The following HIBCH variants were observed in gnomAD, a reference collection of about 807,000 sequenced individuals.
HIBCH encodes the protein 3-hydroxyisobutyryl-CoA hydrolase, mitochondrial.
In HIBCH, 50 loss-of-function variants were observed where a neutral mutation model predicts 58.2. The ratio of observed to expected loss-of-function variants is 0.86; its 90% confidence interval spans 0.68 to 1.09. The LOEUF (loss-of-function observed/expected upper bound fraction) is 1.09. HIBCH is among the 50% of genes least tolerant of loss of function. HIBCH has a pLI of 0.00. For synonymous variants in HIBCH, 151 were observed against 146.9 expected (o/e 1.03, Z -0.20); for missense variants, 450 against 449.7 (o/e 1.00, Z -0.01).
intron 5 of HIBCH, among the ~76,000 whole-genome samples, chr2:190,289,909 G>A (rs1384263564): frequency 7.2e-5 from 11 of 152,082 alleles, no homozygotes; most frequent in Non-Finnish European, 1.3e-4. Flanking sequence ...ACGGAGTCTC[G>A]CTTTGTTGCC....
intron 1 of HIBCH, among the ~76,000 whole-genome samples, chr2:190,316,667 CATGCTGCCATCTAGCCAGCATCTTTCA>C (rs753564959): frequency 6.6e-6 from 1 of 152,144 alleles, no homozygotes; most frequent in Non-Finnish European, 1.5e-5. Flanking sequence ...ACCAGTCCCC[CATGCTGCCATCTAGCCAGCATCTTTCA>C]ATGCTTCCTT....
rs1454157733 is a variant in HIBCH, at chr2:190,216,760, G to T, written c.892-3685C>A. On this transcript the variant is annotated intron_variant, in intron 11 of 13. Coordinates refer to ENST00000359678, the MANE Select transcript of HIBCH (RefSeq NM_014362.4). The surrounding 1 kb of genome is among the most constrained non-coding windows in gnomAD (Gnocchi z 4.2). Reference sequence around the variant, plus strand: ...TGAAGTAGAGAGAGCTCGTGCTGGGGAGAAGTCTGCCAAGACGCTTTGAGG... The same window carrying T: ...TGAAGTAGAGAGAGCTCGTGCTGGGTAGAAGTCTGCCAAGACGCTTTGAGG... Among the ~76,000 whole-genome samples the T allele has an allele frequency of 6.6e-6, 1 of 152,224 alleles. No individual in the cohort carries two copies. Among genetic ancestry groups the T allele is most frequent in the Non-Finnish European group, 1.5e-5 (1 of 68,036 alleles).
At chr2:190,242,282 G>A (rs1327308027) in intron 11 of HIBCH, among the ~76,000 whole-genome samples, 2 of 151,554 alleles carry the variant, frequency 1.3e-5, no homozygotes, top group Non-Finnish European at 2.9e-5. Context: ...GAAGATTTAT[G>A]TTCTTCTCTA....
chr2:190,319,655 T>C, intron 1 of HIBCH, 61 bp downstream of exon 1: 4 of 1,441,238 alleles, frequency 2.8e-6, no homozygotes, highest in Non-Finnish European at 3.9e-6. Flanking sequence ...CCCCGGCCCT[T>C]TTCCCACTGT....
intron 1 of HIBCH, among the ~76,000 whole-genome samples, chr2:190,198,149 A>G (rs1283360640): frequency 6.6e-6 from 1 of 152,214 alleles, no homozygotes. Flanking sequence ...GGTAATTAAA[A>G]GCAGAAGACT....
chr2:190,219,058 C>A (rs1685642781), intron 11 of HIBCH, among the ~76,000 whole-genome samples: 1 of 152,210 alleles, frequency 6.6e-6, no homozygotes, highest in South Asian at 2.1e-4. Flanking sequence ...TAACCTGTTA[C>A]CGTCCAACTG....
intron 11 of HIBCH, among the ~76,000 whole-genome samples, chr2:190,228,111 T>C (rs1422739286): frequency 2.0e-5 from 3 of 152,154 alleles, no homozygotes; most frequent in African/African-American, 4.8e-5. Flanking sequence ...CATATGTTTA[T>C]TGTGGCACTA....
At chr2:190,220,211 G>A (rs969620255) in intron 11 of HIBCH, 5 of 152,186 alleles carry the variant, frequency 3.3e-5, no homozygotes, top group African/African-American at 1.2e-4. Context: ...TACATCTGAT[G>A]CCTGTGCTTT....
chr2:190,271,959 C>A (rs1387587034), intron 6 of HIBCH, among the ~76,000 whole-genome samples: 1 of 152,210 alleles, frequency 6.6e-6, no homozygotes, highest in Non-Finnish European at 1.5e-5. Context: ...CACCCACACA[C>A]TGTCGTTCAA....
chr2:190,190,420 A>G (rs963122334), intron 1 of HIBCH, among the ~76,000 whole-genome samples: 1 of 152,206 alleles, frequency 6.6e-6, no homozygotes, highest in African/African-American at 2.4e-5. Flanking sequence ...CATTTTGAGG[A>G]TATCCCTAAT....
chr2:190,211,418 A>G lies in HIBCH; in HGVS notation c.1011+1538T>C, dbSNP rs1049247589. Among the ~76,000 whole-genome samples the G allele has an allele frequency of 6.6e-6, 1 of 152,162 alleles. No homozygotes were observed. Among genetic ancestry groups the G allele is most frequent in the Non-Finnish European group, 1.5e-5 (1 of 68,012 alleles). ...ACACCTGGATCACTGCAGGAAATCT[A>G]TATCTGGTCTCTAAACCGTTCTTGA... On this transcript the variant is annotated intron_variant, in intron 12 of 13. Transcript: ENST00000359678. The surrounding 1 kb of genome is among the most constrained non-coding windows in gnomAD (Gnocchi z 5.0).
intron 2 of HIBCH, among the ~76,000 whole-genome samples, 160 bp from the exon 3 acceptor site, chr2:190,297,113 T>C (rs1688126865): frequency 1.3e-5 from 2 of 152,242 alleles, no homozygotes; most frequent in Admixed American, 1.3e-4. Context: ...ATTTAGATTA[T>C]GTAGACGAAC....
chr2:190,191,327 T>C (rs760697350), intron 1 of HIBCH, among the ~76,000 whole-genome samples: 4 of 152,068 alleles, frequency 2.6e-5, no homozygotes, highest in South Asian at 4.1e-4. Context: ...GTATTTTCAG[T>C]AGAGACAGAG....
At chr2:190,301,334 A>G (rs1469595461) in intron 2 of HIBCH, among the ~76,000 whole-genome samples, 2 of 152,232 alleles carry the variant, frequency 1.3e-5, no homozygotes, top group African/African-American at 4.8e-5. Flanking sequence ...CCTACTAAAT[A>G]AAAGTCTTCA....
At chr2:190,235,049 G>C (rs1225056249) in intron 11 of HIBCH, among the ~76,000 whole-genome samples, 1 of 152,104 alleles carries the variant, frequency 6.6e-6, no homozygotes, top group Non-Finnish European at 1.5e-5. Flanking sequence ...TGAGTGAAGG[G>C]GGATGAACTA....
intron 11 of HIBCH, among the ~76,000 whole-genome samples, chr2:190,228,925 G>A (rs1163130779): frequency 6.6e-6 from 1 of 152,154 alleles, no homozygotes; most frequent in Non-Finnish European, 1.5e-5. Flanking sequence ...AGCATTATCA[G>A]AATTATAATC....
intron 11 of HIBCH, among the ~76,000 whole-genome samples, chr2:190,235,893 CA>C (rs1370082904): frequency 6.6e-6 from 1 of 152,184 alleles, no homozygotes; most frequent in Non-Finnish European, 1.5e-5. Context: ...CACTAGATTG[CA>C]AACTCCCTGA....
rs752450856 is a variant in HIBCH, at chr2:190,261,216, G to A, written c.457C>T (p.His153Tyr). The A allele has an allele frequency of 6.2e-7, 1 of 1,613,306 alleles. No individual in the cohort carries two copies. The highest frequency in any genetic ancestry group is 2.2e-5 in the East Asian group (1 of 44,844). Residue 153 changes from histidine to tyrosine, a missense_variant, in exon 7 of 14, where the codon CAT becomes TAT. By Grantham distance (83) the His-to-Tyr change is moderately conservative. Transcript: ENST00000359678. ...TCTGTAGCCACTCGAAATTGCCCAT[G>A]GACTGAGAGACCAACTCCCTAGAGA... ...TMGGGVGLSV[H>Y]GQFRVATEKC...
At chr2:190,192,465 T>TG (rs1689760215) in intron 1 of HIBCH, among the ~76,000 whole-genome samples, 1 of 133,078 alleles carries the variant, frequency 7.5e-6, no homozygotes, top group Admixed American at 7.2e-5. Flanking sequence ...TGTGTGTGTG[T>TG]GTGTGTGTGT....
Sources: gnomAD v4.1 joint callset for allele counts (sites outside exome capture counted in the v4.1 genomes callset) on GRCh38, gnomAD v4.1.1 for gene constraint, Gnocchi (gnomAD v3.1) non-coding constraint, MANE v1.5 for transcripts, NCBI Gene and HGNC (gene_info 2026-07-23, HGNC 2026-07-21) for gene names.